ALK: variants seen among roughly 807,000 people sequenced by gnomAD.
The protein encoded by ALK is ALK tyrosine kinase receptor.
ALK carries 74 observed loss-of-function variants against 163.1 expected under a neutral mutation model. The ratio of observed to expected loss-of-function variants is 0.45; its 90% CI spans 0.38 to 0.55. The LOEUF is 0.55. Ranked by LOEUF, ALK falls within the 20% of genes least tolerant of loss-of-function variation. The probability of loss-of-function intolerance (pLI) is 0.00; values close to 1 mark genes in which losing one functional copy is unlikely to be tolerated. For missense variants in ALK, 2,063 were observed against 2,105.3 expected (o/e 0.98, Z 0.39); for synonymous variants, 960 against 843.2 (o/e 1.14, Z -2.40).
At chr2:29,787,802 A>G (rs1664077052) in intron 1 of ALK, among the ~76,000 whole-genome samples, 1 of 150,840 alleles carries the variant, frequency 6.6e-6, no homozygotes, top group African/African-American at 2.4e-5. Context: ...GTGGGACCAA[A>G]TGACCTACAT....
intron 3 of ALK, among the ~76,000 whole-genome samples, chr2:29,690,925 A>G (rs1678376948): frequency 1.3e-5 from 2 of 152,170 alleles, no homozygotes; most frequent in African/African-American, 4.8e-5. Context: ...CCCACTTCTC[A>G]TCTTCACCAC....
chr2:29,238,110 G>A (rs1030892567), intron 13 of ALK, among the ~76,000 whole-genome samples: 5 of 152,200 alleles, frequency 3.3e-5, no homozygotes, highest in South Asian at 2.1e-4. Context: ...CAGTGTGGCC[G>A]GGTACATAGA....
At chr2:29,685,701 G>A (rs1038131390) in intron 3 of ALK, among the ~76,000 whole-genome samples, 1 of 152,202 alleles carries the variant, frequency 6.6e-6, no homozygotes, top group Non-Finnish European at 1.5e-5. Context: ...AGCTGTGTTA[G>A]TATCCTATTG....
chr2:29,300,875 T>C (rs1490086037), intron 8 of ALK, among the ~76,000 whole-genome samples: 1 of 152,096 alleles, frequency 6.6e-6, no homozygotes, highest in Non-Finnish European at 1.5e-5. Context: ...CCACACCCTT[T>C]CTCTCATTTC....
chr2:29,867,400 T>A (rs1466388282), intron 1 of ALK, among the ~76,000 whole-genome samples: 1 of 152,162 alleles, frequency 6.6e-6, no homozygotes, highest in Non-Finnish European at 1.5e-5. Flanking sequence ...GTATTAAAAA[T>A]AGTCAAAATG....
At chr2:29,723,730 AT>A (rs1392432223) in intron 1 of ALK, among the ~76,000 whole-genome samples, 3 of 152,238 alleles carry the variant, frequency 2.0e-5, no homozygotes, top group Admixed American at 6.5e-5. Flanking sequence ...ACATGAGATA[AT>A]GTGTGCATGA....
At chr2:29,294,479 G>C (rs1286915520) in intron 9 of ALK, among the ~76,000 whole-genome samples, 3 of 152,230 alleles carry the variant, frequency 2.0e-5, no homozygotes, top group Non-Finnish European at 4.4e-5. Context: ...AGCATTTAGT[G>C]TGGATCAGGC....
chr2:29,202,071 C>A (rs1490435266), intron 26 of ALK, among the ~76,000 whole-genome samples: 1 of 152,154 alleles, frequency 6.6e-6, no homozygotes, highest in East Asian at 1.9e-4. Flanking sequence ...TGTTCTGACC[C>A]ATCCCTTCCA....
chr2:29,390,988 G>A (rs1354821762), intron 4 of ALK, among the ~76,000 whole-genome samples: 1 of 152,196 alleles, frequency 6.6e-6, no homozygotes, highest in Non-Finnish European at 1.5e-5. Flanking sequence ...AAGGGGATCT[G>A]GCTTCCAATG....
intron 1 of ALK, among the ~76,000 whole-genome samples, chr2:29,809,539 C>T (rs369806493): frequency 1.6e-4 from 24 of 152,172 alleles, no homozygotes; most frequent in African/African-American, 2.4e-4. Context: ...CTTTTATCTC[C>T]GTGAGGGAGT....
At chr2:29,303,175 C>A (rs547276968) in intron 8 of ALK, among the ~76,000 whole-genome samples, 3 of 151,972 alleles carry the variant, frequency 2.0e-5, no homozygotes, top group South Asian at 2.1e-4. Context: ...CAAGAAAAAA[C>A]CAAATAACTT....
At chr2:29,263,631 G>A (rs1665142420) in intron 11 of ALK, among the ~76,000 whole-genome samples, 1 of 152,178 alleles carries the variant, frequency 6.6e-6, no homozygotes, top group Admixed American at 6.5e-5. Flanking sequence ...AGAAGGCAAA[G>A]TGTGTAAGAC....
intron 1 of ALK, among the ~76,000 whole-genome samples, chr2:29,819,975 C>T (rs1297062492): frequency 1.3e-5 from 2 of 152,196 alleles, no homozygotes; most frequent in East Asian, 3.8e-4. Context: ...AAACATCTAT[C>T]CCTAAGACTG....
In ALK at chr2:29,894,845, CACACACAA is replaced by C. The variant is rs1298714629; in HGVS notation, c.667+25140_667+25147del. On this transcript the variant is annotated intron_variant, in intron 1 of 28. Coordinates refer to ENST00000389048, the MANE Select transcript of ALK (RefSeq NM_004304.5). ...ATGTGATGCTTCAAACACACACACA[CACACACAA>C]ACACACACACACACACACACACACC... Among the ~76,000 whole-genome samples the C allele has an allele frequency of 6.1e-3, 857 of 141,434 alleles. 6 individuals are homozygous for C. Among genetic ancestry groups the C allele is most frequent in the African/African-American group, 0.019 (716 of 38,002 alleles). 92.8% of individuals were successfully genotyped at this position (141,434 alleles called of 152,430 possible). A position where few individuals can be genotyped will look rare whatever the true frequency, so the allele number is the denominator to read the frequency against.
intron 2 of ALK, among the ~76,000 whole-genome samples, chr2:29,714,322 T>A (rs1679188516): frequency 6.6e-6 from 1 of 152,092 alleles, no homozygotes; most frequent in Non-Finnish European, 1.5e-5. Context: ...CGGAAGAGAA[T>A]ATATTTTACA....
chr2:29,910,422 AAGG>A (rs1418330066), intron 1 of ALK, among the ~76,000 whole-genome samples: 2 of 152,180 alleles, frequency 1.3e-5, no homozygotes, highest in Non-Finnish European at 2.9e-5. Flanking sequence ...AATTCTTAGA[AAGG>A]AGGAGCAGAA....
chr2:29,637,259 A>G (rs1676562174), intron 3 of ALK, among the ~76,000 whole-genome samples: 1 of 152,218 alleles, frequency 6.6e-6, no homozygotes, highest in Non-Finnish European at 1.5e-5. Context: ...CAATAAAAGA[A>G]AAAAATTATT....
At chr2:29,760,782 G>C (rs1313601092) in intron 1 of ALK, among the ~76,000 whole-genome samples, 1 of 152,200 alleles carries the variant, frequency 6.6e-6, no homozygotes, top group Non-Finnish European at 1.5e-5. Context: ...CAACCATGCA[G>C]AGAACTTTGC....
At chr2:29,473,997 C>T (rs1469897119) in intron 4 of ALK, among the ~76,000 whole-genome samples, 4 of 152,200 alleles carry the variant, frequency 2.6e-5, no homozygotes, top group African/African-American at 9.7e-5. Flanking sequence ...TAAGTTGGTA[C>T]AATTACTTTG....
Sources: gnomAD v4.1 joint callset for allele counts (sites outside exome capture counted in the v4.1 genomes callset) on GRCh38, gnomAD v4.1.1 for gene constraint, MANE v1.5 for transcripts, NCBI Gene and HGNC (gene_info 2026-07-23, HGNC 2026-07-21) for gene names.